PHEX: variants seen among roughly 807,000 people sequenced by gnomAD.
The protein encoded by PHEX is phosphate-regulating neutral endopeptidase PHEX.
PHEX carries 16 observed loss-of-function variants against 68.0 expected under a neutral mutation model. That is an observed-to-expected ratio of 0.24 (90% CI 0.16 to 0.36). The LOEUF is 0.36. Among genes scored for constraint, PHEX ranks in the 10% least tolerant of loss-of-function variants. The probability of loss-of-function intolerance (pLI) is 1.00; values close to 1 mark genes in which losing one functional copy is unlikely to be tolerated. For synonymous variants in PHEX, 208 were observed against 205.1 expected, an observed-to-expected ratio of 1.01 and a Z score of -0.12; for missense variants, 480 against 575.5, an observed-to-expected ratio of 0.83 and a Z score of 1.70.
chrX:22,126,947 C>T (rs374166522), intron 11 of PHEX, among the ~76,000 whole-genome samples: 1 of 95,374 alleles, frequency 1.0e-5, no homozygotes, highest in Non-Finnish European at 2.0e-5. Context: ...TCTCAGCTCA[C>T]TGCACCCTCC....
chrX:22,071,954 C>T (rs1367422710), intron 3 of PHEX, among the ~76,000 whole-genome samples: 6 of 111,700 alleles, frequency 5.4e-5, no homozygotes, highest in Non-Finnish European at 1.1e-4. Context: ...AGGCTGGGCG[C>T]GGTGGCTCAT....
chrX:22,108,722 ACC>A (rs919397132), intron 9 of PHEX, among the ~76,000 whole-genome samples: 2 of 110,815 alleles, frequency 1.8e-5, no homozygotes, highest in African/African-American at 6.6e-5. Flanking sequence ...CGGGAGGATC[ACC>A]TGAGGTCAGG....
chrX:22,091,918 A>G (rs187711427), intron 6 of PHEX, among the ~76,000 whole-genome samples: 1 of 111,877 alleles, frequency 8.9e-6, no homozygotes. Flanking sequence ...CCATTTATAA[A>G]GCCATCAGAT....
At chrX:22,165,803 T>C (rs1933294693) in intron 12 of PHEX, among the ~76,000 whole-genome samples, 1 of 111,829 alleles carries the variant, frequency 8.9e-6, no homozygotes, top group African/African-American at 3.3e-5. Context: ...AACTGTAAAG[T>C]TTCTCTAAAG....
intron 20 of PHEX, among the ~76,000 whole-genome samples, chrX:22,233,561 A>C (rs940388476): frequency 7.2e-5 from 8 of 110,444 alleles, no homozygotes; most frequent in African/African-American, 2.0e-4. Flanking sequence ...CACTGAGTTG[A>C]TCTTCAATCT....
intron 11 of PHEX, among the ~76,000 whole-genome samples, chrX:22,123,984 A>G (rs1043211444): frequency 1.8e-5 from 2 of 108,641 alleles, no homozygotes; most frequent in African/African-American, 3.4e-5. Context: ...GGTGCATGCC[A>G]CCTCGCCTGG....
intron 15 of PHEX, among the ~76,000 whole-genome samples, chrX:22,205,416 G>A (rs931330613): frequency 9.0e-6 from 1 of 111,618 alleles, no homozygotes; most frequent in Non-Finnish European, 1.9e-5. Context: ...AGGTAGATGA[G>A]TTCAAGTTGT....
At chrX:22,200,538 G>A (rs1934515232) in intron 15 of PHEX, among the ~76,000 whole-genome samples, 1 of 111,341 alleles carries the variant, frequency 9.0e-6, no homozygotes. Context: ...GAACCCGGGA[G>A]GCGGAGGTTG....
intron 9 of PHEX, among the ~76,000 whole-genome samples, chrX:22,106,982 T>C (rs972353916): frequency 9.0e-6 from 1 of 110,821 alleles, no homozygotes; most frequent in Admixed American, 9.6e-5. Flanking sequence ...CTTTAGAGAT[T>C]GTGACTTAAT....
intron 13 of PHEX, chrX:22,169,890 G>A (rs1451316093): frequency 8.9e-6 from 1 of 112,408 alleles, no homozygotes; most frequent in Non-Finnish European, 1.9e-5. Flanking sequence ...AGTATTGTTG[G>A]GAAGATTAGA....
At chrX:22,051,488 G>T (rs1927832152) in intron 3 of PHEX, among the ~76,000 whole-genome samples, 2 of 111,856 alleles carry the variant, frequency 1.8e-5, no homozygotes, top group African/African-American at 6.5e-5. Context: ...CCAAGATGGT[G>T]CCAGTGCACT....
chrX:22,098,934 T>C (rs1365033962), intron 8 of PHEX, 72 bp from the exon 9 acceptor site: 1 of 929,513 alleles, frequency 1.1e-6, no homozygotes, highest in African/African-American at 1.9e-5. Context: ...ATGCTCAATC[T>C]ACTCTATCTG....
intron 9 of PHEX, among the ~76,000 whole-genome samples, chrX:22,102,533 T>C (rs1388207488): frequency 1.8e-5 from 2 of 112,667 alleles, no homozygotes; most frequent in East Asian, 5.5e-4. Context: ...TTAAGTGTTG[T>C]GACCTAGCAC....
At chrX:22,223,168 T>C (rs754879499) in intron 18 of PHEX, among the ~76,000 whole-genome samples, 4 of 112,020 alleles carry the variant, frequency 3.6e-5, no homozygotes, top group Non-Finnish European at 7.5e-5. Flanking sequence ...TGGCTTCCTT[T>C]GTGGATATAA....
chrX:22,065,897 G>A (rs1928576425), intron 3 of PHEX, among the ~76,000 whole-genome samples: 1 of 111,906 alleles, frequency 8.9e-6, no homozygotes, highest in African/African-American at 3.2e-5. Context: ...AACCAATCCA[G>A]CCATATAATT....
intron 13 of PHEX, among the ~76,000 whole-genome samples, chrX:22,175,281 A>G (rs112404773): frequency 0.06 from 6,675 of 110,888 alleles, 488 homozygotes; most frequent in African/African-American, 0.2. Context: ...AATTATTTTC[A>G]GGGTTCTGGT....
chrX:22,113,943 CTTTT>C (rs746349559), intron 10 of PHEX, among the ~76,000 whole-genome samples: 5 of 63,980 alleles, frequency 7.8e-5, no homozygotes, highest in African/African-American at 2.4e-4. Context: ...TCTTCTTCTT[CTTTT>C]TTTTTTTTTT....
intron 13 of PHEX, 46 bp from the exon 14 acceptor site, chrX:22,178,226 CT>C (rs1933769435): frequency 5.6e-6 from 5 of 892,895 alleles, no homozygotes; most frequent in Non-Finnish European, 8.1e-6. Context: ...TTAGAGCCAT[CT>C]TTTATCTTTA....
chrX:22,151,084 G>C (rs1484250921), intron 12 of PHEX, among the ~76,000 whole-genome samples: 1 of 112,277 alleles, frequency 8.9e-6, no homozygotes, highest in Non-Finnish European at 1.9e-5. Flanking sequence ...ACAGAGGCTG[G>C]TATTTTGGCT....
Sources: allele counts gnomAD v4.1 joint callset (sites outside exome capture counted in the v4.1 genomes callset), GRCh38; gene constraint gnomAD v4.1.1; transcripts MANE v1.5; gene names NCBI Gene and HGNC (gene_info 2026-07-23, HGNC 2026-07-21).